UGT1A6: variants seen among roughly 807,000 people sequenced by gnomAD.
The protein encoded by UGT1A6 is UDP-glucuronosyltransferase 1A6.
A neutral mutation model predicts 44.4 loss-of-function variants in UGT1A6; 32 were observed. The observed-to-expected ratio is 0.72, with a 90% CI of 0.54 to 0.97. The LOEUF (loss-of-function observed/expected upper bound fraction) is 0.97. Among genes scored for constraint, UGT1A6 ranks in the 50% least tolerant of loss-of-function variants. The pLI is 0.00. For synonymous variants in UGT1A6, 238 were observed against 248.5 expected (o/e 0.96, Z 0.40); for missense variants, 685 against 661.9 (o/e 1.03, Z -0.38).
chr2:233,736,300 A>G (rs1483271188), intron 1 of UGT1A6, among the ~76,000 whole-genome samples: 4 of 152,002 alleles, frequency 2.6e-5, no homozygotes, highest in Non-Finnish European at 1.5e-5. Flanking sequence ...AGTTGCTCTA[A>G]TCAGCTATTG....
intron 1 of UGT1A6, among the ~76,000 whole-genome samples, chr2:233,695,188 C>T (rs1163062852): frequency 5.5e-5 from 8 of 145,440 alleles, no homozygotes; most frequent in Non-Finnish European, 8.9e-5. Context: ...TGCAGTGGTG[C>T]GATCTCAGCC....
At chr2:233,737,020 G>A (rs2078835336) in intron 1 of UGT1A6, among the ~76,000 whole-genome samples, 1 of 152,228 alleles carries the variant, frequency 6.6e-6, no homozygotes, top group African/African-American at 2.4e-5. Context: ...GAGGCAGTCT[G>A]TCCATTCTCA....
chr2:233,742,937 T>C (rs1692142343), intron 1 of UGT1A6: 1 of 214,468 alleles, frequency 4.7e-6, no homozygotes, highest in African/African-American at 2.4e-5. Context: ...CATTCTGTCC[T>C]ACCACTAGCA....
Position 233,769,593 on chromosome 2 carries a change from G to A in UGT1A6, c.1301+1154G>A, listed in dbSNP as rs748291102. The A allele has an allele frequency of 1.9e-5, 30 of 1,612,700 alleles. No homozygotes were observed. The East Asian group carries it at 4.2e-4, about 23-fold the overall frequency. On this transcript the variant is annotated intron_variant, in intron 4 of 4. Coordinates refer to ENST00000305139, the MANE Select transcript of UGT1A6 (RefSeq NM_001072.4). The surrounding 1 kb of genome is among the most constrained non-coding windows in gnomAD (Gnocchi z 4.4). ...GGAGCATGTTCAGATGAGAGGAGAC[G>A]GAACACGGGGACACACCAGCTTGAG... is the stretch of plus-strand genomic sequence containing the variant.
In UGT1A6 at chr2:233,754,741, T is replaced by C; in HGVS notation, c.862-12293T>C. On this transcript the variant is annotated intron_variant, in intron 1 of 4. Coordinates refer to ENST00000305139, the MANE Select transcript of UGT1A6 (RefSeq NM_001072.4). Reference sequence around the variant, plus strand: ...CCTGTCCCATCACTACCGTAGGACATGCAGAAGGAAGAAAGGCCCCCACTT... The same window carrying C: ...CCTGTCCCATCACTACCGTAGGACACGCAGAAGGAAGAAAGGCCCCCACTT... The C allele has an allele frequency of 7.1e-6, 5 of 707,448 alleles. No homozygotes were observed. In the South Asian group the frequency reaches 7.2e-5, roughly 10 times the overall value. The allele number at this position is 707,448 out of a possible 1,614,324, so 43.8% of individuals were successfully genotyped here. A position where few individuals can be genotyped will look rare whatever the true frequency, so the allele number is the denominator to read the frequency against.
intron 4 of UGT1A6, 57 bp from the exon 5 acceptor site, chr2:233,772,205 A>T: frequency 6.2e-7 from 1 of 1,608,796 alleles, no homozygotes; most frequent in Non-Finnish European, 8.5e-7. Flanking sequence ...GAGCATAAAG[A>T]GAGGATTGTT....
At position 233,693,301 on chromosome 2, in the gene UGT1A6, T is replaced by C; in HGVS notation, c.297T>C (p.Phe99=). The change falls in exon 1 of 5, where the codon TTT becomes TTC. Residue 99 remains phenylalanine, a synonymous_variant. Coordinates refer to ENST00000305139, the MANE Select transcript of UGT1A6 (RefSeq NM_001072.4). Reference sequence around the variant, plus strand: ...ACCAATCATTTGGAAACAATCACTTTGCTGAGCGATCATTCCTAACTGCTC... The same window carrying C: ...ACCAATCATTTGGAAACAATCACTTCGCTGAGCGATCATTCCTAACTGCTC... ...NRYQSFGNNH[F]AERSFLTAPQ... 6.2e-7 allele frequency: 1 copy of C among 1,614,174 alleles called. No individual in the cohort carries two copies. Among genetic ancestry groups the C allele is most frequent in the African/African-American group, 1.3e-5 (1 of 75,062 alleles).
intron 1 of UGT1A6, chr2:233,755,261 G>C (rs1442150755): frequency 1.2e-6 from 1 of 807,566 alleles, no homozygotes; most frequent in African/African-American, 1.7e-5. Flanking sequence ...CCTCGTAGTA[G>C]TCCACTATGC....
chr2:233,709,753 T>A (rs1405121833), intron 1 of UGT1A6, among the ~76,000 whole-genome samples: 1 of 152,244 alleles, frequency 6.6e-6, no homozygotes, highest in Non-Finnish European at 1.5e-5. Context: ...ATAAACATTA[T>A]TGGAGTATTA....
chr2:233,762,443 C>A (rs1698075308), intron 1 of UGT1A6, among the ~76,000 whole-genome samples: 1 of 152,222 alleles, frequency 6.6e-6, no homozygotes, highest in Non-Finnish European at 1.5e-5. Flanking sequence ...TGTATTCCCA[C>A]TGCCCACTTA....
At chr2:233,717,723 G>T in intron 1 of UGT1A6, 1 of 455,670 alleles carries the variant, frequency 2.2e-6, no homozygotes. Context: ...ATGGGCATGA[G>T]ACCATTGTGA....
chr2:233,697,477 C>T (rs966758556), intron 1 of UGT1A6, among the ~76,000 whole-genome samples: 1 of 149,952 alleles, frequency 6.7e-6, no homozygotes, highest in Non-Finnish European at 1.5e-5. Flanking sequence ...CTTAGTCTAG[C>T]TCAAGGTTTG....
intron 1 of UGT1A6, among the ~76,000 whole-genome samples, chr2:233,761,633 C>A (rs1697819960): frequency 6.6e-6 from 1 of 152,236 alleles, no homozygotes; most frequent in Non-Finnish European, 1.5e-5. Context: ...CTAAATCCTG[C>A]AGTCCGTTCT....
At chr2:233,751,848 C>A (rs1317042286) in intron 1 of UGT1A6, among the ~76,000 whole-genome samples, 1 of 152,136 alleles carries the variant, frequency 6.6e-6, no homozygotes, top group African/African-American at 2.4e-5. Context: ...GTCATTTAAA[C>A]CTTTGTCTTT....
chr2:233,764,438 T>C (rs1160972363), intron 1 of UGT1A6, among the ~76,000 whole-genome samples: 2 of 152,224 alleles, frequency 1.3e-5, no homozygotes, highest in Non-Finnish European at 2.9e-5. Context: ...GATGAACTTT[T>C]GTGCCATTTA....
chr2:233,749,337 T>C (rs10179091), intron 1 of UGT1A6, among the ~76,000 whole-genome samples: 73,841 of 151,468 alleles, frequency 0.49, 18,755 homozygotes, highest in South Asian at 0.6. Context: ...TGTTGAAAAG[T>C]GGGATGGAAT....
At chr2:233,697,028 C>T (rs2075370702) in intron 1 of UGT1A6, among the ~76,000 whole-genome samples, 2 of 151,876 alleles carry the variant, frequency 1.3e-5, no homozygotes, top group Non-Finnish European at 2.9e-5. Context: ...GATATGGGCC[C>T]GCAGTTTTCT....
chr2:233,749,380 T>C (rs1225630422), intron 1 of UGT1A6, among the ~76,000 whole-genome samples: 2 of 151,870 alleles, frequency 1.3e-5, no homozygotes, highest in African/African-American at 4.9e-5. Context: ...TTCTTCCAGT[T>C]TTTCAATGTG....
At chr2:233,724,619 C>A (rs2077290333) in intron 1 of UGT1A6, among the ~76,000 whole-genome samples, 1 of 138,420 alleles carries the variant, frequency 7.2e-6, no homozygotes, top group East Asian at 2.3e-4. Flanking sequence ...GGCAGAGACG[C>A]TCCTCACTTC....
Sources: gnomAD v4.1 joint callset for allele counts (sites outside exome capture counted in the v4.1 genomes callset) on GRCh38, gnomAD v4.1.1 for gene constraint, Gnocchi (gnomAD v3.1) non-coding constraint, MANE v1.5 for transcripts, NCBI Gene and HGNC (gene_info 2026-07-23, HGNC 2026-07-21) for gene names.